Variants in SYN1 observed in about 807,000 individuals in gnomAD.
SYN1 encodes the protein synapsin-1.
Under a neutral mutation model 44.6 loss-of-function variants are expected in SYN1, and 8 were observed. The observed-to-expected ratio is 0.18, with a 90% CI of 0.11 to 0.32. The LOEUF is 0.32. Ranked by LOEUF, SYN1 falls within the 10% of genes least tolerant of loss-of-function variation. The pLI is 1.00. For missense variants in SYN1, 451 were observed against 639.4 expected (o/e 0.71, Z 3.18); for synonymous variants, 275 against 280.1 (o/e 0.98, Z 0.18).
intron 5 of SYN1, among the ~76,000 whole-genome samples, chrX:47,580,910 G>A (rs1325955109): frequency 9.5e-6 from 1 of 105,427 alleles, no homozygotes; most frequent in Non-Finnish European, 2.0e-5. Flanking sequence ...CTCCAGCCTA[G>A]GTGACAGAGC....
At chrX:47,585,885 T>C (rs2057823681) in intron 5 of SYN1, 1 of 1,135,034 alleles carries the variant, frequency 8.8e-7, no homozygotes, top group Admixed American at 2.6e-5. Context: ...TACCGTGTGA[T>C]CACCTGTCCC....
At chrX:47,588,714 T>C (rs7886171) in intron 5 of SYN1, among the ~76,000 whole-genome samples, 5,984 of 111,409 alleles carry the variant, frequency 0.054, 404 homozygotes, top group African/African-American at 0.18. Context: ...ATAGGTCAAG[T>C]GAGCATCCTC....
intron 5 of SYN1, among the ~76,000 whole-genome samples, chrX:47,580,853 G>A (rs369441516): frequency 2.7e-5 from 3 of 109,798 alleles, no homozygotes; most frequent in East Asian, 5.7e-4. Flanking sequence ...AGAATCTCTT[G>A]AACCCCGGAG....
At chrX:47,607,990 A>ATT in intron 1 of SYN1, among the ~76,000 whole-genome samples, 1 of 109,200 alleles carries the variant, frequency 9.2e-6, no homozygotes, top group South Asian at 3.9e-4. Flanking sequence ...AAATGGTGCT[A>ATT]TTACACTCCA....
chrX:47,613,129 T>A (rs2057921197), intron 1 of SYN1, among the ~76,000 whole-genome samples: 1 of 49,080 alleles, frequency 2.0e-5, no homozygotes, highest in Non-Finnish European at 3.3e-5. Context: ...AGACTCCGTC[T>A]CCAAAAAAAA....
intron 5 of SYN1, among the ~76,000 whole-genome samples, chrX:47,595,038 T>C (rs1207270435): frequency 9.0e-6 from 1 of 111,397 alleles, no homozygotes; most frequent in Admixed American, 9.6e-5. Flanking sequence ...TCCCATCACA[T>C]TTCTATACAG....
In SYN1 at chrX:47,619,275, C is replaced by A. The variant is rs1335681535; in HGVS notation, c.377+77G>T. On this transcript the variant is annotated intron_variant, in intron 1 of 12. Transcript: ENST00000295987. ...GGCCAGGTGTCAGGCACACAAGCGG[C>A]GCTCGATAATTGCTCATTCGCAGAA... 5.1e-6 allele frequency: 6 copies of A among 1,174,050 alleles called. No homozygotes were observed. In the African/African-American group the frequency reaches 7.1e-5, roughly 14 times the overall value.
At chrX:47,576,694 G>T in intron 6 of SYN1, 54 bp from the exon 7 acceptor site, 1 of 1,199,854 alleles carries the variant, frequency 8.3e-7, no homozygotes. Flanking sequence ...CAGCTGTGGG[G>T]AGTGGGGGTG....
At chrX:47,617,089 C>G (rs1179333121) in intron 1 of SYN1, among the ~76,000 whole-genome samples, 1 of 111,561 alleles carries the variant, frequency 9.0e-6, no homozygotes, top group Admixed American at 9.5e-5. Flanking sequence ...AGGGTTATTC[C>G]TAGTATATAA....
intron 12 of SYN1, 24 bp downstream of exon 12, chrX:47,573,978 A>G: frequency 9.0e-7 from 1 of 1,105,893 alleles, no homozygotes; most frequent in South Asian, 2.1e-5. Context: ...AGCAAGGCGA[A>G]GGCTGCTGTA....
chrX:47,603,725 G>T (rs1460010121), intron 5 of SYN1, among the ~76,000 whole-genome samples: 2 of 109,997 alleles, frequency 1.8e-5, no homozygotes, highest in Non-Finnish European at 3.8e-5. Flanking sequence ...AGCATAATTT[G>T]TAATAGCAAT....
intron 9 of SYN1, 21 bp from the exon 10 acceptor site, chrX:47,575,295 G>C (rs753286166): frequency 1.9e-5 from 23 of 1,206,797 alleles, no homozygotes; most frequent in Non-Finnish European, 2.5e-5. Flanking sequence ...GAAAGGATCC[G>C]TGAGGGGAGA....
intron 5 of SYN1, chrX:47,585,486 T>TGGCAGCTC: frequency 5.9e-6 from 7 of 1,194,420 alleles, no homozygotes; most frequent in Non-Finnish European, 7.9e-6. Context: ...TTTGGCAGCT[T>TGGCAGCTC]GGCAGCTCAG....
chrX:47,611,727 A>C (rs1025231408), intron 1 of SYN1, among the ~76,000 whole-genome samples: 7 of 111,591 alleles, frequency 6.3e-5, no homozygotes, highest in African/African-American at 2.3e-4. Context: ...AGAGAGGGTG[A>C]GCATATTGCC....
chrX:47,606,831 T>C, intron 3 of SYN1, 114 bp downstream of exon 3: 1 of 756,517 alleles, frequency 1.3e-6, no homozygotes, highest in Non-Finnish European at 2.0e-6. Flanking sequence ...CCACATTCCA[T>C]GCCTAAGTTC....
rs1286509746 is a variant in SYN1 at position 47,602,512 on chromosome X, C to T, written c.774+2466G>A. 3.6e-5 allele frequency among the ~76,000 whole-genome samples: 4 copies of T among 110,772 alleles called. No individual in the cohort carries two copies. The Admixed American group carries it at 3.8e-4, about 11-fold the overall frequency. On this transcript the variant is annotated intron_variant, in intron 5 of 12. Transcript: ENST00000295987. ...CAAAAAGTAGCTGGGCGTGGTGGCACGCACCTGTAGTCCCAGCTACTCGGG... is the reference window on the plus strand; with the variant it reads ...CAAAAAGTAGCTGGGCGTGGTGGCATGCACCTGTAGTCCCAGCTACTCGGG...
intron 1 of SYN1, among the ~76,000 whole-genome samples, chrX:47,615,764 G>A (rs986726660): frequency 5.4e-5 from 6 of 111,205 alleles, no homozygotes; most frequent in African/African-American, 2.0e-4. Context: ...AATTAGCCAG[G>A]CATAGTGGCA....
At chrX:47,607,834 C>T (rs1053019734) in intron 1 of SYN1, among the ~76,000 whole-genome samples, 35 of 110,555 alleles carry the variant, frequency 3.2e-4, no homozygotes, top group Middle Eastern at 4.7e-3. Flanking sequence ...GAGTTCGAGA[C>T]CAGCCTGACC....
chrX:47,588,050 C>T (rs1027739257), intron 5 of SYN1, among the ~76,000 whole-genome samples: 6 of 112,350 alleles, frequency 5.3e-5, no homozygotes. Context: ...GAGCCTTTTA[C>T]ACTCCTGGGA....
Sources: allele counts gnomAD v4.1 joint callset (sites outside exome capture counted in the v4.1 genomes callset), GRCh38; gene constraint gnomAD v4.1.1; transcripts MANE v1.5; gene names NCBI Gene and HGNC (gene_info 2026-07-23, HGNC 2026-07-21).